Variants in ATR observed in about 807,000 individuals in gnomAD.
ATR encodes the protein ATR checkpoint kinase.
Under a neutral mutation model 305.3 loss-of-function variants are expected in ATR, and 142 were observed. The ratio of observed to expected loss-of-function variants is 0.47; its 90% CI spans 0.41 to 0.53. The LOEUF is 0.53. Ranked by LOEUF, ATR falls within the 20% of genes least tolerant of loss-of-function variation. ATR has a pLI of 0.00. For synonymous variants in ATR, 1,050 were observed against 1,068.1 expected (o/e 0.98, Z 0.33); for missense variants, 2,135 against 3,133.1 (o/e 0.68, Z 7.60).
At chr3:142,564,105 T>C (rs2034978224) in intron 3 of ATR, among the ~76,000 whole-genome samples, 1 of 152,214 alleles carries the variant, frequency 6.6e-6, no homozygotes, top group Non-Finnish European at 1.5e-5. Context: ...TCGTTAGCAT[T>C]TTTTAGTAAT....
Position 142,480,664 on chromosome 3 carries a change from A to G in ATR, c.6221+4476T>C, listed in dbSNP as rs184345585. Among the ~76,000 whole-genome samples the G allele has an allele frequency of 1.9e-3, 284 of 152,312 alleles. 1 individual carries two copies. The highest frequency in any genetic ancestry group is 6.5e-3 in the African/African-American group (272 of 41,568). Reference sequence around the variant, plus strand: ...CAGAGGTTTCTGCTGCCTTTTGTTCAGCTATGCCCTGCCCCCAGAGGTGGA... The same window carrying G: ...CAGAGGTTTCTGCTGCCTTTTGTTCGGCTATGCCCTGCCCCCAGAGGTGGA... On this transcript the variant is annotated intron_variant, in intron 36 of 46. Transcript: ENST00000350721.
chr3:142,496,336 A>ATATGTATATATATATATC (rs531114901), intron 34 of ATR, 25 bp downstream of exon 34: 2 of 522,176 alleles, frequency 3.8e-6, no homozygotes, highest in African/African-American at 6.8e-5. Context: ...ATATATATAT[A>ATATGTATATATATATATC]TGATGACATT....
chr3:142,559,549 C>A, intron 6 of ATR, 108 bp from the exon 7 acceptor site: 1 of 1,052,404 alleles, frequency 9.5e-7, no homozygotes, highest in Non-Finnish European at 1.4e-6. Context: ...CGAAATTTAT[C>A]TATAACAATT....
intron 19 of ATR, among the ~76,000 whole-genome samples, chr3:142,537,951 T>C (rs1701149120): frequency 6.6e-6 from 1 of 152,146 alleles, no homozygotes; most frequent in African/African-American, 2.4e-5. Flanking sequence ...AGCTAAGCAA[T>C]TTGGAATTTA....
In ATR at chr3:142,485,229, C is replaced by T. The variant is rs1355260239; in HGVS notation, c.6132G>A (p.Lys2044=). 3 of 1,614,014 alleles carry T rather than the reference C, an allele frequency of 1.9e-6. No homozygotes were observed. Among genetic ancestry groups the T allele is most frequent in the African/African-American group, 1.3e-5 (1 of 74,916 alleles). ...CCATGGGCATCAATTTGTCATAGTA[C>T]TTGGCAAGGTAAAAATGCCCATCCT... The part of the protein sequence containing the change: ...EWEDGHFYLA[K]YYDKLMPMVT... Residue 2044 remains lysine (K), a synonymous_variant, in exon 36 of 47, where the codon AAG becomes AAA. Coordinates refer to ENST00000350721, the MANE Select transcript of ATR (RefSeq NM_001184.4).
intron 21 of ATR, 68 bp from the exon 22 acceptor site, chr3:142,524,267 A>T (rs895602036): frequency 7.2e-7 from 1 of 1,397,168 alleles, no homozygotes; most frequent in Non-Finnish European, 9.9e-7. Flanking sequence ...CTGAGCTAGG[A>T]AGCTTAAAAA....
intron 23 of ATR, among the ~76,000 whole-genome samples, chr3:142,521,861 G>C (rs1481313070): frequency 6.6e-6 from 1 of 152,188 alleles, no homozygotes; most frequent in Non-Finnish European, 1.5e-5. Flanking sequence ...ACACTGTTCA[G>C]GTGACAACGA....
chr3:142,472,228 A>G (rs1003784379), intron 36 of ATR: 13 of 152,164 alleles, frequency 8.5e-5, no homozygotes, highest in African/African-American at 3.1e-4. Context: ...TGCAATGAAC[A>G]TGGGAGTGCA....
At chr3:142,491,314 T>G (rs1486934812) in intron 35 of ATR, among the ~76,000 whole-genome samples, 1 of 152,210 alleles carries the variant, frequency 6.6e-6, no homozygotes, top group Middle Eastern at 3.2e-3. Flanking sequence ...GTCTACATCA[T>G]GTATAGGCAA....
At position 142,497,158 on chromosome 3, in the gene ATR, T is replaced by C. The variant is rs1225978822; in HGVS notation, c.5593A>G (p.Lys1865Glu). The change falls in exon 33 of 47, where the codon AAA (lysine) becomes GAA (glutamate). Residue 1865 changes from lysine (K) to glutamate (E), a missense_variant. Physicochemically the swap from Lys to Glu is moderately conservative, Grantham distance 56. Transcript: ENST00000350721. ...HMLCELEHSI[K>E]PLFQHSPGDS... ...CCTGGAGAATGCTGGAAAAGTGGTT[T>C]GATGCTATGCTCCAACTCACATAAC... 1.2e-6 allele frequency: 2 copies of C among 1,614,076 alleles called. No individual in the cohort carries two copies. Among genetic ancestry groups the C allele is most frequent in the Non-Finnish European group, 8.5e-7 (1 of 1,179,998 alleles).
intron 1 of ATR, among the ~76,000 whole-genome samples, chr3:142,578,205 G>A (rs2035502858): frequency 6.6e-6 from 1 of 152,164 alleles, no homozygotes. Context: ...GCAGTTTGGG[G>A]ACAAAATGTA....
rs145091244 is a variant in ATR, at chr3:142,481,780, G to A, written c.6221+3360C>T. On this transcript the variant is annotated intron_variant, in intron 36 of 46. Transcript: ENST00000350721. ...TCTGGGATTACAGGCATTAATCACC[G>A]TGCCCAGCCATATCTGATATTTACT... 4.1e-3 allele frequency among the ~76,000 whole-genome samples: 622 copies of A among 151,578 alleles called. 3 individuals carry two copies. The highest frequency in any genetic ancestry group is 6.9e-3 in the Non-Finnish European group (469 of 67,848).
Position 142,568,908 on chromosome 3 carries a change from G to C in ATR, c.60-754C>G, listed in dbSNP as rs186832446. Reference sequence around the variant, plus strand: ...TGGGCAGGCCAAGCGGTAGGCTGAGGGCAGCTCAATATGGGCCTGCAGGCG... The same window carrying C: ...TGGGCAGGCCAAGCGGTAGGCTGAGCGCAGCTCAATATGGGCCTGCAGGCG... On this transcript the variant is annotated intron_variant, in intron 1 of 46. Coordinates refer to ENST00000350721, the MANE Select transcript of ATR (RefSeq NM_001184.4). Among the ~76,000 whole-genome samples, 668 of 152,340 alleles carry C rather than the reference G, an allele frequency of 4.4e-3. 4 individuals are homozygous for C. The highest frequency in any genetic ancestry group is 0.014 in the Middle Eastern group (4 of 294).
At position 142,538,624 on chromosome 3, in the gene ATR, C is replaced by A. The variant is rs2108433043; in HGVS notation, c.3583G>T (p.Ala1195Ser). The A allele has an allele frequency of 6.2e-7, 1 of 1,613,286 alleles. No homozygotes were observed. The highest frequency in any genetic ancestry group is 2.2e-5 in the East Asian group (1 of 44,830). ...KDDFPELCCR[A>S]WDCFVRCLDH... The stretch of plus-strand genomic sequence containing the variant: ...AGGCAGCGAACAAAGCAGTCCCAAG[C>A]TCTATGTGAAAAAACAAATAGAAAT... Residue 1195 changes from alanine (A) to serine (S), a missense_variant and splice_region_variant, in exon 19 of 47, where the codon GCT (alanine) becomes TCT (serine). This residue lies in a region of ATR where 530 missense variants were observed against 766.8 expected (regional missense o/e 0.69). Transcript: ENST00000350721.
At chr3:142,511,653 C>T (rs1419695354) in intron 27 of ATR, among the ~76,000 whole-genome samples, 1 of 149,700 alleles carries the variant, frequency 6.7e-6, no homozygotes, top group East Asian at 2.0e-4. Flanking sequence ...AAGACTCCAT[C>T]TCAAAAAAAA....
rs1256338278 is a variant in ATR at position 142,505,318 on chromosome 3, TA to T, written c.5032-16del. 2 of 1,612,234 alleles carry T rather than the reference TA, an allele frequency of 1.2e-6. No individual in the cohort carries two copies. Among genetic ancestry groups the T allele is most frequent in the Non-Finnish European group, 1.7e-6 (2 of 1,179,400 alleles). ...GCATACAATTTCTTTGTTCAATGAT[TA>T]AAAAACAATCAAAAACAAGAAAAAA... On this transcript the variant is annotated splice_polypyrimidine_tract_variant and intron_variant, in intron 28 of 46. Coordinates refer to ENST00000350721, the MANE Select transcript of ATR (RefSeq NM_001184.4).
At chr3:142,516,762 C>T (rs1287546549) in intron 24 of ATR, among the ~76,000 whole-genome samples, 1 of 152,090 alleles carries the variant, frequency 6.6e-6, no homozygotes, top group Non-Finnish European at 1.5e-5. Context: ...CCGGATGCTC[C>T]TTGGGGTCCT....
chr3:142,554,911 G>C (rs2034607866), intron 10 of ATR, among the ~76,000 whole-genome samples: 1 of 150,802 alleles, frequency 6.6e-6, no homozygotes, highest in Non-Finnish European at 1.5e-5. Context: ...CTGGGTGACA[G>C]AGCAAGACCC....
intron 36 of ATR, among the ~76,000 whole-genome samples, chr3:142,483,257 G>A (rs919262574): frequency 5.9e-5 from 9 of 152,048 alleles, no homozygotes; most frequent in African/African-American, 2.2e-4. Context: ...ATATTGATCT[G>A]AAGATATCCT....
Sources: gnomAD v4.1 joint callset for allele counts (sites outside exome capture counted in the v4.1 genomes callset) on GRCh38, gnomAD v4.1.1 for gene constraint, gnomAD v4.1.1 regional missense constraint, MANE v1.5 for transcripts, NCBI Gene and HGNC (gene_info 2026-07-23, HGNC 2026-07-21) for gene names.